The following HS3ST5 variants were observed in gnomAD, a reference collection of about 807,000 sequenced individuals.
HS3ST5 encodes the protein heparan sulfate-glucosamine 3-sulfotransferase 5, also known as heparan sulfate glucosamine 3-O-sulfotransferase 5.
A neutral mutation model predicts 25.4 loss-of-function variants in HS3ST5; 10 were observed. The observed-to-expected ratio is 0.39, with a 90% CI of 0.24 to 0.67. The LOEUF (loss-of-function observed/expected upper bound fraction) is 0.67. Ranked by LOEUF, HS3ST5 falls within the 30% of genes least tolerant of loss-of-function variation. The probability of loss-of-function intolerance (pLI) is 0.44; values close to 1 mark genes in which losing one functional copy is unlikely to be tolerated. For missense variants in HS3ST5, 324 were observed against 420.7 expected, an observed-to-expected ratio of 0.77 and a Z score of 2.01; for synonymous variants, 170 against 162.4, an observed-to-expected ratio of 1.05 and a Z score of -0.36.
At chr6:114,314,213 C>A (rs1345676655) in intron 1 of HS3ST5, among the ~76,000 whole-genome samples, 1 of 152,292 alleles carries the variant, frequency 6.6e-6, no homozygotes, top group Middle Eastern at 3.4e-3. Context: ...CAGGTGTGAG[C>A]CACTATGCCA....
chr6:114,155,077 G>A (rs1381018641), intron 3 of HS3ST5, among the ~76,000 whole-genome samples: 1 of 152,176 alleles, frequency 6.6e-6, no homozygotes, highest in Admixed American at 6.5e-5. Flanking sequence ...CCTTAGAGTA[G>A]GAGGTGCTTG....
intron 1 of HS3ST5, among the ~76,000 whole-genome samples, chr6:114,258,455 G>C (rs945581977): frequency 6.6e-6 from 1 of 152,180 alleles, no homozygotes; most frequent in Non-Finnish European, 1.5e-5. Context: ...AACACTAGCA[G>C]GGCCAGCCCA....
At chr6:114,223,104 A>C (rs1340025869) in intron 2 of HS3ST5, among the ~76,000 whole-genome samples, 1 of 151,520 alleles carries the variant, frequency 6.6e-6, no homozygotes, top group Admixed American at 6.6e-5. Context: ...TTTTTTGCTG[A>C]GGTATATATA....
intron 1 of HS3ST5, among the ~76,000 whole-genome samples, chr6:114,320,466 C>G (rs1158813543): frequency 6.6e-6 from 1 of 152,062 alleles, no homozygotes; most frequent in African/African-American, 2.4e-5. Context: ...TTCTATGATT[C>G]CTCTCACTGT....
intron 2 of HS3ST5, among the ~76,000 whole-genome samples, chr6:114,187,932 A>C (rs984131935): frequency 1.6e-4 from 24 of 152,230 alleles, no homozygotes; most frequent in Non-Finnish European, 2.8e-4. Context: ...GACTCACTGA[A>C]GGTGCAGATG....
intron 2 of HS3ST5, among the ~76,000 whole-genome samples, chr6:114,173,114 T>C (rs1169043120): frequency 6.6e-6 from 1 of 152,228 alleles, no homozygotes; most frequent in African/African-American, 2.4e-5. Context: ...CATGAAAGCC[T>C]TCTTTGACAA....
chr6:114,235,623 T>A (rs1771821293), intron 1 of HS3ST5: 2 of 152,190 alleles, frequency 1.3e-5, no homozygotes, highest in Non-Finnish European at 2.9e-5. Flanking sequence ...TTTTTTTTCT[T>A]CTTAAGAGGA....
chr6:114,204,814 A>G (rs1243619772), intron 2 of HS3ST5, among the ~76,000 whole-genome samples: 3 of 152,108 alleles, frequency 2.0e-5, no homozygotes, highest in Admixed American at 1.3e-4. Flanking sequence ...TTTTGTACTT[A>G]TATTTCTAAA....
chr6:114,278,829 C>T (rs920808910), intron 1 of HS3ST5, among the ~76,000 whole-genome samples: 1 of 150,950 alleles, frequency 6.6e-6, no homozygotes, highest in Non-Finnish European at 1.5e-5. Flanking sequence ...GGATTCCTTT[C>T]GAAAACCAGA....
chr6:114,304,491 G>A (rs73542398), intron 1 of HS3ST5, among the ~76,000 whole-genome samples: 5,396 of 152,034 alleles, frequency 0.035, 322 homozygotes, highest in African/African-American at 0.12. Flanking sequence ...ATGTAAAATG[G>A]AAGCTCCCTC....
At chr6:114,335,542 A>G (rs1293047107) in intron 1 of HS3ST5, among the ~76,000 whole-genome samples, 2 of 152,172 alleles carry the variant, frequency 1.3e-5, no homozygotes, top group Non-Finnish European at 2.9e-5. Context: ...ATTCTTTTCC[A>G]TTTACTACAT....
intron 4 of HS3ST5, 113 bp downstream of exon 4, chr6:114,062,626 C>T: frequency 4.5e-6 from 3 of 667,386 alleles, no homozygotes; most frequent in Admixed American, 2.4e-5. Flanking sequence ...AAGCATGTTT[C>T]CTGGGAATTT....
chr6:114,227,439 T>C (rs1771353332), intron 2 of HS3ST5, among the ~76,000 whole-genome samples: 1 of 151,804 alleles, frequency 6.6e-6, no homozygotes, highest in South Asian at 2.1e-4. Flanking sequence ...AACATCACAA[T>C]TTAAGATCTG....
At chr6:114,249,615 G>A (rs561122218) in intron 1 of HS3ST5, among the ~76,000 whole-genome samples, 5 of 152,270 alleles carry the variant, frequency 3.3e-5, no homozygotes, top group South Asian at 2.1e-4. Context: ...CTCAGGGTAC[G>A]ACCCCTCCCC....
intron 3 of HS3ST5, among the ~76,000 whole-genome samples, chr6:114,161,283 C>T (rs1418513615): frequency 1.3e-5 from 2 of 151,142 alleles, no homozygotes; most frequent in Non-Finnish European, 2.9e-5. Context: ...AATGGACTGA[C>T]AACATAAATT....
chr6:114,069,870 T>C (rs1481988897), intron 3 of HS3ST5, among the ~76,000 whole-genome samples: 2 of 152,082 alleles, frequency 1.3e-5, no homozygotes, highest in Non-Finnish European at 2.9e-5. Flanking sequence ...GGGATACAGA[T>C]GGTTATATGT....
intron 1 of HS3ST5, among the ~76,000 whole-genome samples, chr6:114,305,483 A>T (rs1398402582): frequency 6.6e-6 from 1 of 152,100 alleles, no homozygotes; most frequent in Non-Finnish European, 1.5e-5. Flanking sequence ...TTCCATGAAA[A>T]AGTGGCTAGT....
chr6:114,066,332 C>A (rs1773444632), intron 3 of HS3ST5, among the ~76,000 whole-genome samples: 1 of 152,188 alleles, frequency 6.6e-6, no homozygotes, highest in South Asian at 2.1e-4. Context: ...TATTCTGATT[C>A]AATGGGTATG....
At chr6:114,058,903 A>T (rs1772934370) in intron 4 of HS3ST5, 1 of 152,230 alleles carries the variant, frequency 6.6e-6, no homozygotes, top group Non-Finnish European at 1.5e-5. Flanking sequence ...GCCATCAGCA[A>T]GTGCTGTATA....
Sources: allele counts gnomAD v4.1 joint callset (sites outside exome capture counted in the v4.1 genomes callset), GRCh38; gene constraint gnomAD v4.1.1; transcripts MANE v1.5; gene names NCBI Gene and HGNC (gene_info 2026-07-23, HGNC 2026-07-21).